RBBP5: variants seen among roughly 807,000 people sequenced by gnomAD.
RBBP5 encodes RB binding protein 5, histone lysine methyltransferase complex subunit, also known as retinoblastoma-binding protein 5.
Under a neutral mutation model 72.2 loss-of-function variants are expected in RBBP5, and 5 were observed. The ratio of observed to expected loss-of-function variants is 0.07; its 90% confidence interval spans 0.04 to 0.15. The LOEUF (loss-of-function observed/expected upper bound fraction) is 0.15. RBBP5 is among the 10% of genes least tolerant of loss of function. The probability of loss-of-function intolerance (pLI) is 1.00; values close to 1 mark genes in which losing one functional copy is unlikely to be tolerated. For missense variants in RBBP5, 322 were observed against 652.2 expected, an observed-to-expected ratio of 0.49 and a Z score of 5.51; for synonymous variants, 209 against 237.2, an observed-to-expected ratio of 0.88 and a Z score of 1.09.
chr1:205,097,384 C>T lies in RBBP5; in HGVS notation c.1108G>A (p.Ala370Thr). The T allele has an allele frequency of 3.9e-6, 6 of 1,552,658 alleles. No individual in the cohort carries two copies. Among genetic ancestry groups the T allele is most frequent in the Non-Finnish European group, 5.2e-6 (6 of 1,147,372 alleles). The change falls in exon 11 of 14, where the codon GCA (alanine) becomes ACA (threonine). Residue 370 changes from alanine (A) to threonine (T), a missense_variant. Ala to Thr is a moderately conservative substitution (Grantham distance 58). Transcript: ENST00000264515. Reference protein sequence around the residue: ...SEPEQTGADAAEDEEVDVTSV... With the variant: ...SEPEQTGADATEDEEVDVTSV... Reference sequence around the variant, plus strand: ...GTGACATCCACTTCCTCATCTTCTGCAGCATCAGCCCCTGCAGGACAGAAA... The same window carrying T: ...GTGACATCCACTTCCTCATCTTCTGTAGCATCAGCCCCTGCAGGACAGAAA...
In RBBP5 at chr1:205,099,894, T is replaced by C. The variant is rs200861004; in HGVS notation, c.906+17A>G. The C allele has an allele frequency of 2.4e-5, 38 of 1,613,448 alleles. No individual in the cohort carries two copies. The Middle Eastern group carries it at 1.3e-3, about 56-fold the overall frequency. On this transcript the variant is annotated intron_variant, in intron 8 of 13. Coordinates refer to ENST00000264515, the MANE Select transcript of RBBP5 (RefSeq NM_005057.4). This position sits in a 1 kb window ranked among gnomAD's most constrained non-coding sequence, Gnocchi z 4.7. The stretch of plus-strand genomic sequence containing the variant: ...TGGATTATGTGACTAACAAAAGCAA[T>C]GTCCTAATGTACTCACAGCTACATC...
At chr1:205,100,118 A>G (rs1389818283) in intron 7 of RBBP5, 34 bp downstream of exon 7, 1 of 1,614,146 alleles carries the variant, frequency 6.2e-7, no homozygotes, top group Non-Finnish European at 8.5e-7. Flanking sequence ...CAGGTCATGA[A>G]TGATCACATA....
intron 1 of RBBP5, among the ~76,000 whole-genome samples, chr1:205,119,671 A>C (rs768407520): frequency 1.3e-5 from 2 of 152,054 alleles, no homozygotes; most frequent in Non-Finnish European, 2.9e-5. Flanking sequence ...CAGCCCTCAG[A>C]CTCAACTGCT....
Position 205,101,676 on chromosome 1 carries a change from C to T in RBBP5, c.556G>A (p.Val186Ile). ...CCAGTTGTCACTCTGAAGGAAGCAA[C>T]AAGATCCTGAGAATCTGTTTTTAGG... ...LVLKTDSQDL[V>I]ASFRVTTGTS... Residue 186 changes from valine to isoleucine, a missense_variant, in exon 6 of 14, where the codon GTT becomes ATT. Transcript: ENST00000264515. 6.2e-7 allele frequency: 1 copy of T among 1,613,450 alleles called. No individual in the cohort carries two copies. The highest frequency in any genetic ancestry group is 1.1e-5 in the South Asian group (1 of 90,896).
chr1:205,098,872 G>T, intron 10 of RBBP5, 117 bp downstream of exon 10: 1 of 613,448 alleles, frequency 1.6e-6, no homozygotes, highest in Non-Finnish European at 2.7e-6. Flanking sequence ...AAAGTGTGGG[G>T]TGGAGGGGGG....
intron 2 of RBBP5, among the ~76,000 whole-genome samples, chr1:205,115,420 A>G (rs376766156): frequency 2.6e-5 from 4 of 152,240 alleles, no homozygotes; most frequent in East Asian, 3.8e-4. Flanking sequence ...AAATTATTTC[A>G]TATCAATACC....
Position 205,099,885 on chromosome 1 carries a change from C to T in RBBP5, c.906+26G>A. The T allele has an allele frequency of 6.2e-7, 1 of 1,613,602 alleles. No homozygotes were observed. The highest frequency in any genetic ancestry group is 8.5e-7 in the Non-Finnish European group (1 of 1,179,638). On this transcript the variant is annotated intron_variant, in intron 8 of 13. Transcript: ENST00000264515. The surrounding 1 kb of genome is among the most constrained non-coding windows in gnomAD (Gnocchi z 4.7). ...TAGATTTTTTGGATTATGTGACTAA[C>T]AAAAGCAATGTCCTAATGTACTCAC...
intron 1 of RBBP5, among the ~76,000 whole-genome samples, chr1:205,118,497 C>T (rs538135254): frequency 1.3e-5 from 2 of 152,132 alleles, no homozygotes; most frequent in South Asian, 4.1e-4. Context: ...CCTGTAATCC[C>T]AGCTACTTGG....
Position 205,103,923 on chromosome 1 carries a change from A to G in RBBP5, c.456T>C (p.Asp152=). The part of the protein sequence containing the change: ...HVVLPVDDDS[D]LNVVASFDRR... The stretch of plus-strand genomic sequence containing the variant: ...TATCAAAAGATGCCACAACGTTCAA[A>G]TCGGAGTCATCGTCCACCGGCAGAA... Residue 152 remains aspartate (D), a synonymous_variant, in exon 5 of 14, where the codon GAT becomes GAC. Transcript: ENST00000264515. 2.5e-6 allele frequency: 4 copies of G among 1,614,148 alleles called. No homozygotes were observed. The highest frequency in any genetic ancestry group is 3.4e-6 in the Non-Finnish European group (4 of 1,180,000).
intron 1 of RBBP5, among the ~76,000 whole-genome samples, chr1:205,117,734 A>G (rs950687139): frequency 1.3e-5 from 2 of 152,092 alleles, no homozygotes; most frequent in Non-Finnish European, 2.9e-5. Context: ...AGCAAGGAAA[A>G]AGGTATAAAA....
At position 205,119,367 on chromosome 1, in the gene RBBP5, G is replaced by C. The variant is rs150623454; in HGVS notation, c.19+2488C>G. Reference sequence around the variant, plus strand: ...GCCGAGATTGTGCCACTGCACTCCAGCCTGGGCAACAGAGCAAGACTCCGT... The same window carrying C: ...GCCGAGATTGTGCCACTGCACTCCACCCTGGGCAACAGAGCAAGACTCCGT... On this transcript the variant is annotated intron_variant, in intron 1 of 13. Transcript: ENST00000264515. Among the ~76,000 whole-genome samples, 743 of 152,286 alleles carry C rather than the reference G, an allele frequency of 4.9e-3. 5 individuals carry two copies. Among genetic ancestry groups the C allele is most frequent in the South Asian group, 0.013 (62 of 4,826 alleles).
intron 13 of RBBP5, among the ~76,000 whole-genome samples, chr1:205,093,623 G>C (rs7514286): frequency 6.9e-6 from 1 of 145,380 alleles, no homozygotes; most frequent in Non-Finnish European, 1.5e-5. Flanking sequence ...GAATGTGGAC[G>C]TGGTAACCAT....
In RBBP5 at chr1:205,121,977, G is replaced by T. The variant is rs12033568; in HGVS notation, c.-104C>A. ...AGTGGTGGACGCCGCGAAGAGACTG[G>T]CGCAAGCTCCGAAGACTTTCGGCCT... is the stretch of plus-strand genomic sequence containing the variant. On this transcript the variant is annotated 5_prime_UTR_variant, in exon 1 of 14. Coordinates refer to ENST00000264515, the MANE Select transcript of RBBP5 (RefSeq NM_005057.4). 2.3e-4 allele frequency: 356 copies of T among 1,547,676 alleles called. 2 individuals carry two copies. Among genetic ancestry groups the T allele is most frequent in the Non-Finnish European group, 4.5e-5 (51 of 1,140,842 alleles).
intron 12 of RBBP5, 36 bp from the exon 13 acceptor site, chr1:205,095,100 G>T: frequency 6.3e-7 from 1 of 1,598,558 alleles, no homozygotes; most frequent in South Asian, 1.1e-5. Flanking sequence ...GAATCCACAT[G>T]ACACCAGTCT....
Position 205,121,927 on chromosome 1 carries a change from G to T in RBBP5, c.-54C>A. The T allele has an allele frequency of 1.9e-6, 3 of 1,604,954 alleles. No homozygotes were observed. Among genetic ancestry groups the T allele is most frequent in the South Asian group, 2.2e-5 (2 of 91,044 alleles). ...GCTCCGGCAACAACACCTTCTCCCC[G>T]GCCGGCTTCAGCAACTTGCGTCTAA... On this transcript the variant is annotated 5_prime_UTR_variant, in exon 1 of 14. Transcript: ENST00000264515.
intron 5 of RBBP5, among the ~76,000 whole-genome samples, chr1:205,102,493 C>T (rs565804050): frequency 6.6e-6 from 1 of 152,170 alleles, no homozygotes; most frequent in South Asian, 2.1e-4. Context: ...AAGGGTGTTT[C>T]TAGGGGCTGG....
chr1:205,093,515 T>C (rs1558570418), intron 13 of RBBP5, among the ~76,000 whole-genome samples: 2 of 13,666 alleles, frequency 1.5e-4, no homozygotes, highest in African/African-American at 9.3e-4. Context: ...TATATATATA[T>C]ATATATATAT....
intron 1 of RBBP5, among the ~76,000 whole-genome samples, chr1:205,118,658 A>C (rs1656622668): frequency 6.6e-6 from 1 of 152,146 alleles, no homozygotes; most frequent in Non-Finnish European, 1.5e-5. Flanking sequence ...AAAAGAAACT[A>C]TCAGAGAACA....
At chr1:205,105,275 A>C (rs910943792) in intron 3 of RBBP5, 107 bp from the exon 4 acceptor site, 2 of 1,332,652 alleles carry the variant, frequency 1.5e-6, no homozygotes, top group East Asian at 4.7e-5. Context: ...ACAGGTCAAC[A>C]ATGTTTTTGG....
Sources: allele counts gnomAD v4.1 joint callset (sites outside exome capture counted in the v4.1 genomes callset), GRCh38; gene constraint gnomAD v4.1.1; non-coding constraint Gnocchi (gnomAD v3.1); transcripts MANE v1.5; gene names NCBI Gene and HGNC (gene_info 2026-07-23, HGNC 2026-07-21).